EPB41L4A: variants seen among roughly 807,000 people sequenced by gnomAD.
The protein encoded by EPB41L4A is band 4.1-like protein 4A.
In EPB41L4A, 100 loss-of-function variants were observed where a neutral mutation model predicts 108.6. That is an observed-to-expected ratio of 0.92 (90% confidence interval 0.78 to 1.09). EPB41L4A has a LOEUF of 1.09. Ranked by LOEUF, EPB41L4A falls within the 50% of genes least tolerant of loss-of-function variation. The probability of loss-of-function intolerance (pLI) is 0.00; values close to 1 mark genes in which losing one functional copy is unlikely to be tolerated. For synonymous variants in EPB41L4A, 319 were observed against 289.0 expected (o/e 1.10, Z -1.05); for missense variants, 1,030 against 842.7 (o/e 1.22, Z -2.75).
rs116334534 is a variant in EPB41L4A, at chr5:112,411,711, G to A, written c.99+7230C>T. Among the ~76,000 whole-genome samples, 597 of 152,266 alleles carry A rather than the reference G, an allele frequency of 3.9e-3. 5 individuals carry two copies. The highest frequency in any genetic ancestry group is 0.013 in the African/African-American group (539 of 41,544). ...TTGATTGAACACAGGACAGGGAGCAGGGAGGGGAAAGACTGATGGTGACCA... is the reference window on the plus strand; with the variant it reads ...TTGATTGAACACAGGACAGGGAGCAAGGAGGGGAAAGACTGATGGTGACCA... On this transcript the variant is annotated intron_variant, in intron 1 of 22. Coordinates refer to ENST00000261486, the MANE Select transcript of EPB41L4A (RefSeq NM_022140.5).
At chr5:112,176,207 C>T (rs1326551021) in intron 18 of EPB41L4A, among the ~76,000 whole-genome samples, 2 of 152,158 alleles carry the variant, frequency 1.3e-5, no homozygotes. Flanking sequence ...GAGATGGAAG[C>T]TCATGGGGAT....
chr5:112,203,722 A>T (rs1189066506), intron 15 of EPB41L4A, among the ~76,000 whole-genome samples: 1 of 152,198 alleles, frequency 6.6e-6, no homozygotes. Context: ...TCAGGTAGAA[A>T]CACTTAATAT....
chr5:112,396,196 T>C (rs1436940785), intron 1 of EPB41L4A, among the ~76,000 whole-genome samples: 1 of 152,028 alleles, frequency 6.6e-6, no homozygotes, highest in Non-Finnish European at 1.5e-5. Flanking sequence ...CATGTATACA[T>C]ATGTAACAAA....
chr5:112,176,838 T>A (rs954435986), intron 18 of EPB41L4A, among the ~76,000 whole-genome samples: 2 of 129,224 alleles, frequency 1.5e-5, no homozygotes, highest in Non-Finnish European at 3.1e-5. Context: ...TACTGCAACC[T>A]CCGCCTCCCA....
intron 1 of EPB41L4A, among the ~76,000 whole-genome samples, chr5:112,343,521 G>C (rs1757453364): frequency 6.6e-6 from 1 of 152,070 alleles, no homozygotes; most frequent in South Asian, 2.1e-4. Flanking sequence ...AAGTACTCAA[G>C]TTTAGCTATG....
intron 17 of EPB41L4A, among the ~76,000 whole-genome samples, chr5:112,193,380 C>A (rs1761802276): frequency 6.6e-6 from 1 of 152,190 alleles, no homozygotes. Flanking sequence ...CGGCTCACTG[C>A]AACCTTCACC....
chr5:112,224,737 G>A (rs763015297), intron 12 of EPB41L4A, among the ~76,000 whole-genome samples: 3 of 152,094 alleles, frequency 2.0e-5, no homozygotes, highest in Non-Finnish European at 4.4e-5. Context: ...ACATCCCTCA[G>A]AGCAGAGGTT....
At chr5:112,349,857 T>G (rs1757930883) in intron 1 of EPB41L4A, among the ~76,000 whole-genome samples, 1 of 152,002 alleles carries the variant, frequency 6.6e-6, no homozygotes, top group Non-Finnish European at 1.5e-5. Context: ...GAATGATGAG[T>G]TAAAAAATCT....
Position 112,399,004 on chromosome 5 carries a change from A to G in EPB41L4A, c.99+19937T>C, listed in dbSNP as rs137959849. On this transcript the variant is annotated intron_variant, in intron 1 of 22. Coordinates refer to ENST00000261486, the MANE Select transcript of EPB41L4A (RefSeq NM_022140.5). The stretch of plus-strand genomic sequence containing the variant: ...AAATGAGAAGTTAGCCCCATGTTAA[A>G]AAGAGGTATTCATCCAGTAAATGTA... Among the ~76,000 whole-genome samples, 777 of 152,244 alleles carry G rather than the reference A, an allele frequency of 5.1e-3. 5 individuals are homozygous for G. Among genetic ancestry groups the G allele is most frequent in the African/African-American group, 0.017 (718 of 41,530 alleles).
At chr5:112,409,982 G>C (rs951066202) in intron 1 of EPB41L4A, among the ~76,000 whole-genome samples, 5 of 152,166 alleles carry the variant, frequency 3.3e-5, no homozygotes, top group African/African-American at 1.2e-4. Flanking sequence ...AGGTGAGCAG[G>C]AAAGTACAAA....
intron 2 of EPB41L4A, among the ~76,000 whole-genome samples, chr5:112,288,976 G>A (rs944654587): frequency 3.3e-5 from 5 of 152,092 alleles, no homozygotes; most frequent in Non-Finnish European, 5.9e-5. Context: ...GAGGCCTTGG[G>A]AGGGATAAGT....
chr5:112,400,236 A>C (rs1761652134), intron 1 of EPB41L4A, among the ~76,000 whole-genome samples: 1 of 152,028 alleles, frequency 6.6e-6, no homozygotes, highest in Non-Finnish European at 1.5e-5. Flanking sequence ...AGATCTCATG[A>C]GAACTCACTC....
At chr5:112,151,446 C>T (rs746052035) in intron 12 of EPB41L4A, among the ~76,000 whole-genome samples, 26 of 150,878 alleles carry the variant, frequency 1.7e-4, no homozygotes, top group Admixed American at 9.9e-4. Context: ...CCTGTTCTGT[C>T]GCCCCGACTG....
At chr5:112,396,034 G>C (rs1761318841) in intron 1 of EPB41L4A, among the ~76,000 whole-genome samples, 1 of 152,122 alleles carries the variant, frequency 6.6e-6, no homozygotes, top group Non-Finnish European at 1.5e-5. Context: ...TCACTCATAG[G>C]TGGGAACTGA....
At chr5:112,288,435 T>C (rs1242927462) in intron 2 of EPB41L4A, among the ~76,000 whole-genome samples, 2 of 151,962 alleles carry the variant, frequency 1.3e-5, no homozygotes, top group East Asian at 3.9e-4. Context: ...AGAACACTAC[T>C]CCACCGCAAA....
intron 18 of EPB41L4A, among the ~76,000 whole-genome samples, chr5:112,172,370 G>A (rs1760629738): frequency 6.6e-6 from 1 of 151,964 alleles, no homozygotes; most frequent in Admixed American, 6.6e-5. Context: ...AAATTAGCTG[G>A]GCATGGTGGC....
chr5:112,200,984 G>A lies in EPB41L4A; in HGVS notation c.1376+3391C>T, dbSNP rs114942765. 1.3e-3 allele frequency among the ~76,000 whole-genome samples: 196 copies of A among 152,276 alleles called. 1 individual carries two copies. The highest frequency in any genetic ancestry group is 4.5e-3 in the African/African-American group (185 of 41,548). Reference sequence around the variant, plus strand: ...TATAATTTCCTATTATTAAATTTAAGTCCTTGAGATTCTTCCATGCTGATG... The same window carrying A: ...TATAATTTCCTATTATTAAATTTAAATCCTTGAGATTCTTCCATGCTGATG... On this transcript the variant is annotated intron_variant, in intron 15 of 22. Transcript: ENST00000261486.
At chr5:112,148,527 T>A (rs1238616981) in intron 12 of EPB41L4A, among the ~76,000 whole-genome samples, 1 of 152,106 alleles carries the variant, frequency 6.6e-6, no homozygotes, top group Non-Finnish European at 1.5e-5. Context: ...ATTTTTTAAA[T>A]ACATTTTATT....
At chr5:112,244,994 C>T (rs962914986) in intron 9 of EPB41L4A, among the ~76,000 whole-genome samples, 6 of 151,484 alleles carry the variant, frequency 4.0e-5, no homozygotes, top group Admixed American at 1.3e-4. Flanking sequence ...CACAGTGACA[C>T]GAAGTGAGCA....
Sources: gnomAD v4.1 joint callset for allele counts (sites outside exome capture counted in the v4.1 genomes callset) on GRCh38, gnomAD v4.1.1 for gene constraint, MANE v1.5 for transcripts, NCBI Gene and HGNC (gene_info 2026-07-23, HGNC 2026-07-21) for gene names.